The following DAGLA variants were observed in gnomAD, a reference collection of about 807,000 sequenced individuals.
DAGLA encodes the protein diacylglycerol lipase alpha, also known as diacylglycerol lipase-alpha.
A neutral mutation model predicts 102.6 loss-of-function variants in DAGLA; 22 were observed. That is an observed-to-expected ratio of 0.21 (90% CI 0.15 to 0.31). The LOEUF (loss-of-function observed/expected upper bound fraction) is 0.31, where lower values mean the gene tolerates loss of function less well. Among genes scored for constraint, DAGLA ranks in the 10% least tolerant of loss-of-function variants. The probability of loss-of-function intolerance (pLI) is 1.00; values close to 1 mark genes in which losing one functional copy is unlikely to be tolerated. For missense variants in DAGLA, 927 were observed against 1,446.6 expected (o/e 0.64, Z 5.83); for synonymous variants, 578 against 628.9 (o/e 0.92, Z 1.21).
intron 1 of DAGLA, among the ~76,000 whole-genome samples, chr11:61,713,668 C>G (rs1389069158): frequency 1.3e-5 from 2 of 152,222 alleles, no homozygotes; most frequent in Non-Finnish European, 2.9e-5. Flanking sequence ...CCAGCGAGGC[C>G]AGACAGCGAC....
At position 61,745,958 on chromosome 11, in the gene DAGLA, CTG is replaced by C. The variant is rs1330504727; in HGVS notation, c.*1470_*1471del. On this transcript the variant is annotated 3_prime_UTR_variant, in exon 20 of 20. Coordinates refer to ENST00000257215, the MANE Select transcript of DAGLA (RefSeq NM_006133.3). ...TGCTGCTGTGACCCGTTTTGGAAAA[CTG>C]GTGTGTACCGAGGCGCTGACTGCAC... 4 of 152,422 alleles carry C rather than the reference CTG, an allele frequency of 2.6e-5. No homozygotes were observed. Among genetic ancestry groups the C allele is most frequent in the Admixed American group, 2.6e-4 (4 of 15,292 alleles). The allele number at this position is 152,422 out of a possible 1,614,324, so 9.4% of individuals were successfully genotyped here.
At chr11:61,705,556 T>A (rs2065142064) in intron 1 of DAGLA, among the ~76,000 whole-genome samples, 1 of 152,190 alleles carries the variant, frequency 6.6e-6, no homozygotes, top group South Asian at 2.1e-4. Flanking sequence ...CAGCTCCAGC[T>A]CCTAGTTCTA....
chr11:61,690,361 G>A (rs2065014032), intron 1 of DAGLA, among the ~76,000 whole-genome samples: 1 of 152,174 alleles, frequency 6.6e-6, no homozygotes, highest in East Asian at 1.9e-4. Flanking sequence ...CTTGTGCCTG[G>A]AGCTGGGAAT....
At chr11:61,737,635 C>T in intron 14 of DAGLA, 52 bp from the exon 15 acceptor site, 1 of 1,540,656 alleles carries the variant, frequency 6.5e-7, no homozygotes, top group Non-Finnish European at 9.0e-7. Context: ...GATTCCGGAA[C>T]ACCACCACCC....
At position 61,686,631 on chromosome 11, in the gene DAGLA, C is replaced by T. The variant is rs750208658; in HGVS notation, c.-45+6127C>T. On this transcript the variant is annotated intron_variant, in intron 1 of 19. Transcript: ENST00000257215. This position sits in a 1 kb window ranked among gnomAD's most constrained non-coding sequence, Gnocchi z 5.2. ...TGCAAACCAGTCCTACACCTGGAGA[C>T]GGTCCTGGCCAGGGAGCCTGCGGCT... is the stretch of plus-strand genomic sequence containing the variant. Among the ~76,000 whole-genome samples the T allele has an allele frequency of 5.3e-5, 8 of 152,220 alleles. No individual in the cohort carries two copies. The highest frequency in any genetic ancestry group is 1.2e-4 in the Non-Finnish European group (8 of 68,038).
intron 1 of DAGLA, among the ~76,000 whole-genome samples, chr11:61,704,121 CTTT>C (rs59450113): frequency 4.4e-5 from 4 of 91,948 alleles, no homozygotes; most frequent in Admixed American, 1.1e-4. Flanking sequence ...CAGAGAATTT[CTTT>C]TTTTTTTTTT....
intron 1 of DAGLA, among the ~76,000 whole-genome samples, chr11:61,699,834 C>G (rs1479083254): frequency 6.6e-6 from 1 of 152,236 alleles, no homozygotes; most frequent in Non-Finnish European, 1.5e-5. Context: ...GCATGGAGGC[C>G]CTCCGTGTTT....
intron 6 of DAGLA, among the ~76,000 whole-genome samples, chr11:61,727,497 G>A (rs1260625714): frequency 6.6e-6 from 1 of 152,232 alleles, no homozygotes; most frequent in Non-Finnish European, 1.5e-5. Context: ...GGCCAGGAAG[G>A]GAAGACTAAG....
chr11:61,697,785 G>A (rs1179372046), intron 1 of DAGLA, among the ~76,000 whole-genome samples: 1 of 152,064 alleles, frequency 6.6e-6, no homozygotes, highest in East Asian at 1.9e-4. Context: ...GAATTCCTGG[G>A]CTCAAGTGAT....
At chr11:61,735,868 A>G (rs2065418683) in intron 12 of DAGLA, 52 bp downstream of exon 12, 2 of 1,513,080 alleles carry the variant, frequency 1.3e-6, no homozygotes, top group South Asian at 1.2e-5. Context: ...CTGCCCTGCC[A>G]GTGTGCAGAG....
chr11:61,710,595 C>A (rs529697277), intron 1 of DAGLA, among the ~76,000 whole-genome samples: 1 of 151,954 alleles, frequency 6.6e-6, no homozygotes, highest in Non-Finnish European at 1.5e-5. Context: ...CCAGTGCGGC[C>A]GTGCTGGGCT....
At chr11:61,741,037 TG>T in intron 18 of DAGLA, 124 bp from the exon 19 acceptor site, 1 of 882,052 alleles carries the variant, frequency 1.1e-6, no homozygotes, top group Non-Finnish European at 1.7e-6. Context: ...AGGAGGAGAG[TG>T]GGACCCAAGT....
chr11:61,686,858 C>G lies in DAGLA; in HGVS notation c.-45+6354C>G, dbSNP rs1480383630. ...TATAACATATGCTGCACCTCCCAGC[C>G]CCTGGCTGCTCCTGATGGGCAGGCC... On this transcript the variant is annotated intron_variant, in intron 1 of 19. Transcript: ENST00000257215. The surrounding 1 kb of genome is among the most constrained non-coding windows in gnomAD (Gnocchi z 5.2). Among the ~76,000 whole-genome samples the G allele has an allele frequency of 6.6e-6, 1 of 152,098 alleles. No individual in the cohort carries two copies. Among genetic ancestry groups the G allele is most frequent in the African/African-American group, 2.4e-5 (1 of 41,386 alleles).
Position 61,723,335 on chromosome 11 carries a change from T to G in DAGLA, c.410-99T>G. On this transcript the variant is annotated intron_variant, in intron 4 of 19. Transcript: ENST00000257215. ...GCCTGGCTTTTGTCCCCAGAAGCAT[T>G]TGGGGTTAGGGAGGCTCCAATGTCC... 2.7e-6 allele frequency: 4 copies of G among 1,484,448 alleles called. No homozygotes were observed. In the South Asian group the frequency reaches 5.0e-5, roughly 19 times the overall value. 92.0% of individuals were successfully genotyped at this position (1,484,448 alleles called of 1,614,324 possible). A position where few individuals can be genotyped will look rare whatever the true frequency, so the allele number is the denominator to read the frequency against.
At chr11:61,706,743 A>C (rs1462244799) in intron 1 of DAGLA, among the ~76,000 whole-genome samples, 3 of 151,528 alleles carry the variant, frequency 2.0e-5, no homozygotes, top group Non-Finnish European at 2.9e-5. Context: ...CCTTACCACC[A>C]CCCCCACCCC....
In DAGLA at chr11:61,734,751, T is replaced by C; in HGVS notation, c.975-98T>C. On this transcript the variant is annotated intron_variant, in intron 9 of 19. Coordinates refer to ENST00000257215, the MANE Select transcript of DAGLA (RefSeq NM_006133.3). This position sits in a 1 kb window ranked among gnomAD's most constrained non-coding sequence, Gnocchi z 4.2. ...GGCAATTTGGTAGAGGCAGTGGGGC[T>C]GAATGCCCAACTGGAACTGGTTCCA... 4.8e-6 allele frequency: 6 copies of C among 1,249,602 alleles called. No homozygotes were observed. Among genetic ancestry groups the C allele is most frequent in the Non-Finnish European group, 6.8e-6 (6 of 881,846 alleles). The allele number at this position is 1,249,602 out of a possible 1,614,324, so 77.4% of individuals were successfully genotyped here. A position where few individuals can be genotyped will look rare whatever the true frequency, so the allele number is the denominator to read the frequency against.
Position 61,687,492 on chromosome 11 carries a change from C to T in DAGLA, c.-45+6988C>T, listed in dbSNP as rs1303514229. On this transcript the variant is annotated intron_variant, in intron 1 of 19. Coordinates refer to ENST00000257215, the MANE Select transcript of DAGLA (RefSeq NM_006133.3). ...GATTACAGGCACGTGCCACCACGTC[C>T]GGCTGATTTTTGTTTTAGTACAGAT... is the stretch of plus-strand genomic sequence containing the variant. Among the ~76,000 whole-genome samples the T allele has an allele frequency of 5.9e-5, 9 of 152,090 alleles. No homozygotes were observed. In the South Asian group the frequency reaches 6.2e-4, roughly 11 times the overall value.
chr11:61,712,290 C>G (rs550696918), intron 1 of DAGLA, among the ~76,000 whole-genome samples: 7 of 152,316 alleles, frequency 4.6e-5, no homozygotes, highest in African/African-American at 1.4e-4. Flanking sequence ...CCATGACATG[C>G]GAACAGCTAG....
chr11:61,688,415 C>G (rs1308610724), intron 1 of DAGLA, among the ~76,000 whole-genome samples: 1 of 152,110 alleles, frequency 6.6e-6, no homozygotes, highest in Non-Finnish European at 1.5e-5. Flanking sequence ...AAACCCAAGC[C>G]AAGGCATCTG....
Sources: allele counts gnomAD v4.1 joint callset (sites outside exome capture counted in the v4.1 genomes callset), GRCh38; gene constraint gnomAD v4.1.1; non-coding constraint Gnocchi (gnomAD v3.1); transcripts MANE v1.5; gene names NCBI Gene and HGNC (gene_info 2026-07-23, HGNC 2026-07-21).